The following ATP13A3 variants were observed in gnomAD, a reference collection of about 807,000 sequenced individuals.
ATP13A3 encodes ATPase 13A3.
Under a neutral mutation model 158.1 loss-of-function variants are expected in ATP13A3, and 59 were observed. The ratio of observed to expected loss-of-function variants is 0.37; its 90% CI spans 0.30 to 0.46. ATP13A3 has a LOEUF of 0.46. ATP13A3 is among the 20% of genes least tolerant of loss of function. The pLI, the probability that ATP13A3 is intolerant of heterozygous loss-of-function variation, is 1.00. For missense variants in ATP13A3, 1,166 were observed against 1,525.2 expected, an observed-to-expected ratio of 0.76 and a Z score of 3.92; for synonymous variants, 491 against 504.3, an observed-to-expected ratio of 0.97 and a Z score of 0.35.
upstream of ATP13A3, among the ~76,000 whole-genome samples, chr3:194,490,071 T>C (rs1221804097): frequency 6.6e-6 from 1 of 152,108 alleles, no homozygotes; most frequent in Non-Finnish European, 1.5e-5. This position sits in a 1 kb window ranked among gnomAD's most constrained non-coding sequence, Gnocchi z 4.4. Flanking sequence ...TGACGTCACT[T>C]CTCAGAAAGG....
At chr3:194,428,764 T>C (rs1430122757) in intron 28 of ATP13A3, 81 bp downstream of exon 28, 7 of 939,342 alleles carry the variant, frequency 7.5e-6, no homozygotes, top group Non-Finnish European at 1.2e-5. Context: ...TTACAATTGT[T>C]GATGTAAATT....
At chr3:194,456,097 A>C (rs1425765003) in intron 7 of ATP13A3, 135 bp from the exon 8 acceptor site, 1 of 503,702 alleles carries the variant, frequency 2.0e-6, no homozygotes, top group African/African-American at 2.0e-5. Context: ...TCTATAATTC[A>C]AACTCTCTAC....
At chr3:194,406,178 A>C in intron 33 of ATP13A3, 62 bp from the exon 34 acceptor site, 1 of 1,556,648 alleles carries the variant, frequency 6.4e-7, no homozygotes, top group African/African-American at 1.4e-5. Flanking sequence ...TGTCGTTTTA[A>C]ACAGGTTTGT....
At chr3:194,491,874 C>A (rs984153184), upstream of ATP13A3, among the ~76,000 whole-genome samples, 6 of 148,574 alleles carry the variant, frequency 4.0e-5, no homozygotes, top group Non-Finnish European at 8.9e-5. Flanking sequence ...ATGCCTCCTC[C>A]ATCTCTCACC....
intron 20 of ATP13A3, among the ~76,000 whole-genome samples, chr3:194,434,220 G>A (rs146059316): frequency 6.6e-6 from 1 of 152,276 alleles, no homozygotes; most frequent in East Asian, 1.9e-4. Flanking sequence ...TAATTTAAAT[G>A]TTAAGTGAAA....
At chr3:194,480,970 G>C (rs1720725541) in intron 2 of ATP13A3, among the ~76,000 whole-genome samples, 1 of 152,234 alleles carries the variant, frequency 6.6e-6, no homozygotes, top group South Asian at 2.1e-4. Flanking sequence ...GGAAAAACTG[G>C]ACACTAGAAT....
At chr3:194,431,579 A>C in intron 22 of ATP13A3, 138 bp downstream of exon 22, 1 of 887,880 alleles carries the variant, frequency 1.1e-6, no homozygotes, top group East Asian at 3.0e-5. Flanking sequence ...AATGAAACAT[A>C]ATCTCTGAAA....
At chr3:194,484,028 G>C (rs558900196) in intron 2 of ATP13A3, among the ~76,000 whole-genome samples, 1 of 152,206 alleles carries the variant, frequency 6.6e-6, no homozygotes, top group South Asian at 2.1e-4. Flanking sequence ...ACAGTTGTGT[G>C]CTAAAAGAAG....
At position 194,437,208 on chromosome 3, in the gene ATP13A3, G is replaced by C; in HGVS notation, c.2007C>G (p.Val669=). 1.9e-6 allele frequency: 3 copies of C among 1,613,992 alleles called. No homozygotes were observed. The highest frequency in any genetic ancestry group is 2.5e-6 in the Non-Finnish European group (3 of 1,179,954). The change falls in exon 20 of 34, where the codon GTC becomes GTG. Residue 669 remains valine (V), a synonymous_variant. Coordinates refer to ENST00000645319, the MANE Select transcript of ATP13A3 (RefSeq NM_001367549.1). ...AGTCTTCCAAAACGTTTTGAAAATC[G>C]ACAGGAACTTTTTAAAAGAAAGAGT... The part of the protein sequence containing the change: ...AGLCKPETVP[V]DFQNVLEDFT...
chr3:194,474,144 A>T (rs1189033397), intron 2 of ATP13A3, among the ~76,000 whole-genome samples: 1 of 152,126 alleles, frequency 6.6e-6, no homozygotes, highest in Non-Finnish European at 1.5e-5. Flanking sequence ...AAAAACACCT[A>T]GTTAGAACAA....
chr3:194,430,486 A>C (rs1717138764), intron 24 of ATP13A3, among the ~76,000 whole-genome samples, 171 bp from the exon 25 acceptor site: 1 of 152,230 alleles, frequency 6.6e-6, no homozygotes, highest in Non-Finnish European at 1.5e-5. Context: ...CTTTGCAAAC[A>C]GCACCAGACC....
chr3:194,466,112 GA>G (rs959815717), intron 2 of ATP13A3, among the ~76,000 whole-genome samples: 1 of 151,934 alleles, frequency 6.6e-6, no homozygotes, highest in Non-Finnish European at 1.5e-5. Context: ...ACAGTACTTA[GA>G]AAAAAATTTA....
chr3:194,406,064 C>T lies in ATP13A3; in HGVS notation c.3626G>A (p.Arg1209Lys). Reference sequence around the variant, plus strand: ...GTACTTTGCCTTTGGTGTCTTCTTTCTACAGCCCAGGGCCCAGGGTAAGCA... The same window carrying T: ...GTACTTTGCCTTTGGTGTCTTCTTTTTACAGCCCAGGGCCCAGGGTAAGCA... ...KCCLPWALGC[R>K]KKTPKAKYMY... The change falls in exon 34 of 34, where the codon AGA becomes AAA. Residue 1209 changes from arginine to lysine, a missense_variant. Physicochemically the swap from Arg to Lys is conservative, Grantham distance 26. Coordinates refer to ENST00000645319, the MANE Select transcript of ATP13A3 (RefSeq NM_001367549.1). 1 of 1,614,184 alleles carries T rather than the reference C, an allele frequency of 6.2e-7. No homozygotes were observed. The highest frequency in any genetic ancestry group is 8.5e-7 in the Non-Finnish European group (1 of 1,180,034).
chr3:194,445,183 A>G (rs1166642834), intron 14 of ATP13A3, among the ~76,000 whole-genome samples: 6 of 152,244 alleles, frequency 3.9e-5, no homozygotes, highest in East Asian at 1.9e-4. Flanking sequence ...GTTAAAGTAC[A>G]TCAGGAGGAA....
In ATP13A3 at chr3:194,457,093, C is replaced by A; in HGVS notation, c.560+1G>T. The A allele has an allele frequency of 1.2e-6, 2 of 1,609,250 alleles. No homozygotes were observed. The highest frequency in any genetic ancestry group is 1.7e-6 in the Non-Finnish European group (2 of 1,176,830). On this transcript the variant is annotated splice_donor_variant, in intron 7 of 33. Coordinates refer to ENST00000645319, the MANE Select transcript of ATP13A3 (RefSeq NM_001367549.1). LOFTEE classifies it high-confidence loss of function. ...TCTAACTTTAGTTGGATAAAAATTA[C>A]CTGTAGGCATGCATCCCCTTTGTCA...
chr3:194,453,597 T>C, intron 10 of ATP13A3, 109 bp downstream of exon 10: 1 of 822,820 alleles, frequency 1.2e-6, no homozygotes, highest in South Asian at 1.7e-5. Context: ...ACTGACTCAA[T>C]CAATCAATCA....
intron 30 of ATP13A3, 65 bp from the exon 31 acceptor site, chr3:194,420,032 A>G: frequency 1.4e-6 from 2 of 1,429,226 alleles, no homozygotes; most frequent in Non-Finnish European, 1.8e-6. Context: ...AAGGCATCCA[A>G]TAACAGCTGG....
intron 31 of ATP13A3, 150 bp downstream of exon 31, chr3:194,419,729 C>T: frequency 1.5e-6 from 2 of 1,292,724 alleles, no homozygotes; most frequent in Non-Finnish European, 2.0e-6. Flanking sequence ...AGAAAAGCTG[C>T]TATTTTCATT....
chr3:194,454,065 A>G (rs74897054), intron 9 of ATP13A3, among the ~76,000 whole-genome samples, 193 bp downstream of exon 9: 2,001 of 152,322 alleles, frequency 0.013, 15 homozygotes, highest in Middle Eastern at 0.031. Context: ...TTGACTCTAC[A>G]AAGCACCTGC....
Sources: allele counts gnomAD v4.1 joint callset (sites outside exome capture counted in the v4.1 genomes callset), GRCh38; gene constraint gnomAD v4.1.1; non-coding constraint Gnocchi (gnomAD v3.1); transcripts MANE v1.5; gene names NCBI Gene and HGNC (gene_info 2026-07-23, HGNC 2026-07-21).